Variants in VAPB observed in about 807,000 individuals in gnomAD.
VAPB encodes the protein vesicle-associated membrane protein-associated protein B/C.
VAPB carries 7 observed loss-of-function variants against 25.6 expected under a neutral mutation model. The ratio of observed to expected loss-of-function variants is 0.27; its 90% CI spans 0.16 to 0.51. VAPB has a LOEUF of 0.51. Among genes scored for constraint, VAPB ranks in the 20% least tolerant of loss-of-function variants. The probability of loss-of-function intolerance (pLI) is 0.97; values close to 1 mark genes in which losing one functional copy is unlikely to be tolerated. For missense variants in VAPB, 266 were observed against 301.3 expected (o/e 0.88, Z 0.87); for synonymous variants, 112 against 109.2 (o/e 1.03, Z -0.16).
chr20:58,403,212 C>T (rs2268923), intron 1 of VAPB, among the ~76,000 whole-genome samples: 42,428 of 152,050 alleles, frequency 0.28, 6,183 homozygotes, highest in African/African-American at 0.34. Flanking sequence ...TACTTCTCCT[C>T]CTCTTCTATT....
At chr20:58,437,662 C>T (rs991340618) in intron 3 of VAPB, among the ~76,000 whole-genome samples, 14 of 152,160 alleles carry the variant, frequency 9.2e-5, no homozygotes, top group Admixed American at 9.2e-4. Context: ...GGTAGGCACA[C>T]GTGTACAGGT....
intron 1 of VAPB, among the ~76,000 whole-genome samples, chr20:58,394,296 A>G (rs1168861015): frequency 6.6e-6 from 1 of 152,238 alleles, no homozygotes; most frequent in Non-Finnish European, 1.5e-5. Context: ...CAGCCCTTCA[A>G]GTTGATGTGT....
At chr20:58,403,892 C>G (rs574457073) in intron 1 of VAPB, among the ~76,000 whole-genome samples, 14 of 152,324 alleles carry the variant, frequency 9.2e-5, no homozygotes, top group African/African-American at 3.4e-4. Context: ...GCCCTTGCAC[C>G]AAGTTGGCAA....
intron 1 of VAPB, among the ~76,000 whole-genome samples, chr20:58,396,149 G>T (rs56277076): frequency 0.21 from 31,557 of 152,078 alleles, 3,697 homozygotes; most frequent in African/African-American, 0.3. Flanking sequence ...GCATAGAACT[G>T]TAAAGCTACA....
intron 1 of VAPB, among the ~76,000 whole-genome samples, chr20:58,396,088 A>G (rs373756809): frequency 3.3e-5 from 5 of 151,548 alleles, no homozygotes; most frequent in East Asian, 1.9e-4. Context: ...AAAATGGCAT[A>G]GTCCCGTGAG....
chr20:58,435,092 C>A (rs1159931441), intron 3 of VAPB, among the ~76,000 whole-genome samples: 1 of 152,126 alleles, frequency 6.6e-6, no homozygotes, highest in Non-Finnish European at 1.5e-5. Flanking sequence ...CCCACAAACT[C>A]AAGAGCCATG....
chr20:58,423,784 C>CT (rs773485454), intron 2 of VAPB, among the ~76,000 whole-genome samples: 32 of 152,286 alleles, frequency 2.1e-4, no homozygotes, highest in Non-Finnish European at 3.2e-4. Flanking sequence ...ATAAGCGAAA[C>CT]TTTTTTATAA....
At chr20:58,402,686 G>A (rs939354342) in intron 1 of VAPB, among the ~76,000 whole-genome samples, 8 of 151,900 alleles carry the variant, frequency 5.3e-5, no homozygotes, top group Non-Finnish European at 1.0e-4. Flanking sequence ...AGGCATAGGC[G>A]AGGAAGGGTT....
In VAPB at chr20:58,446,347, G is replaced by C. The variant is rs773885461; in HGVS notation, c.*2112G>C. ...GCCAGTTAAGTCCTGTAGCTTCCAG[G>C]CCCTCATGTCTTTGATAGGAGAGTG... On this transcript the variant is annotated 3_prime_UTR_variant, in exon 6 of 6. Coordinates refer to ENST00000475243, the MANE Select transcript of VAPB (RefSeq NM_004738.5). The C allele has an allele frequency of 1.3e-5, 6 of 454,096 alleles. No homozygotes were observed. Among genetic ancestry groups the C allele is most frequent in the Non-Finnish European group, 2.6e-5 (6 of 226,794 alleles). 28.1% of individuals were successfully genotyped at this position (454,096 alleles called of 1,614,324 possible).
chr20:58,399,524 C>G (rs1396493726), intron 1 of VAPB, among the ~76,000 whole-genome samples: 1 of 151,840 alleles, frequency 6.6e-6, no homozygotes, highest in Non-Finnish European at 1.5e-5. Context: ...TGACACCAGC[C>G]TGGTCAACAT....
Position 58,447,088 on chromosome 20 carries a change from G to A in VAPB, c.*2853G>A, listed in dbSNP as rs1989311197. 2 of 454,090 alleles carry A rather than the reference G, an allele frequency of 4.4e-6. No individual in the cohort carries two copies. The highest frequency in any genetic ancestry group is 3.1e-5 in the South Asian group (2 of 64,476). 28.1% of individuals were successfully genotyped at this position (454,090 alleles called of 1,614,324 possible). ...CTGCTGCCAGGCTGCCCTCCAGTCT[G>A]CTCCTGTGGTTACTGGCTCCACAGC... On this transcript the variant is annotated 3_prime_UTR_variant, in exon 6 of 6. Transcript: ENST00000475243.
Position 58,449,196 on chromosome 20 carries a change from C to T in VAPB, c.*4961C>T, listed in dbSNP as rs1377504120. 4.4e-6 allele frequency: 2 copies of T among 454,042 alleles called. No homozygotes were observed. Among genetic ancestry groups the T allele is most frequent in the African/African-American group, 4.0e-5 (2 of 50,022 alleles). 28.1% of individuals were successfully genotyped at this position (454,042 alleles called of 1,614,324 possible). On this transcript the variant is annotated 3_prime_UTR_variant, in exon 6 of 6. Coordinates refer to ENST00000475243, the MANE Select transcript of VAPB (RefSeq NM_004738.5). Reference sequence around the variant, plus strand: ...TCCAGCCTCTGAATCCCATTAGCCACAGCCTAGAACATTAGCTGAGCTGCA... The same window carrying T: ...TCCAGCCTCTGAATCCCATTAGCCATAGCCTAGAACATTAGCTGAGCTGCA...
At chr20:58,398,674 G>A (rs1210992344) in intron 1 of VAPB, among the ~76,000 whole-genome samples, 2 of 152,222 alleles carry the variant, frequency 1.3e-5, no homozygotes, top group Non-Finnish European at 2.9e-5. Context: ...TTTGAGATAT[G>A]TGACTTGGCG....
At chr20:58,408,584 T>C (rs1189622884) in intron 1 of VAPB, among the ~76,000 whole-genome samples, 1 of 152,068 alleles carries the variant, frequency 6.6e-6, no homozygotes, top group Non-Finnish European at 1.5e-5. Context: ...TCTTCGAATA[T>C]CTGTTAGTAT....
chr20:58,411,231 TCAA>T (rs1214770531), intron 1 of VAPB, among the ~76,000 whole-genome samples: 2 of 152,242 alleles, frequency 1.3e-5, no homozygotes. Context: ...ATTCTAAAAC[TCAA>T]CAATAAGAAA....
At chr20:58,413,613 C>G (rs112197555) in intron 1 of VAPB, among the ~76,000 whole-genome samples, 397 of 151,996 alleles carry the variant, frequency 2.6e-3, no homozygotes, top group African/African-American at 9.0e-3. Context: ...CTTTCTATTC[C>G]ACAAAGCCGC....
rs769244421 is a variant in VAPB at position 58,445,810 on chromosome 20, C to T, written c.*1575C>T. On this transcript the variant is annotated 3_prime_UTR_variant, in exon 6 of 6. Transcript: ENST00000475243. ...CCTGGTCACCCTTGGCCTTCCATTG[C>T]TTTGGCCTTCAGTAAAAAGCAGCCT... is the stretch of plus-strand genomic sequence containing the variant. The T allele has an allele frequency of 2.0e-5, 9 of 453,648 alleles. 1 individual carries two copies. Among genetic ancestry groups the T allele is most frequent in the South Asian group, 1.4e-4 (9 of 64,460 alleles). The allele number at this position is 453,648 out of a possible 1,614,324, so 28.1% of individuals were successfully genotyped here.
chr20:58,434,039 G>A (rs1236691069), intron 2 of VAPB, among the ~76,000 whole-genome samples: 2 of 152,074 alleles, frequency 1.3e-5, no homozygotes, highest in Non-Finnish European at 2.9e-5. Context: ...GGAAAAAAAA[G>A]GGGGAGTATA....
intron 2 of VAPB, among the ~76,000 whole-genome samples, chr20:58,434,087 T>C (rs1016335961): frequency 2.0e-5 from 3 of 152,168 alleles, no homozygotes; most frequent in Non-Finnish European, 4.4e-5. Flanking sequence ...AGTGTCCTGA[T>C]TGTAAAAATT....
Sources: gnomAD v4.1 joint callset for allele counts (sites outside exome capture counted in the v4.1 genomes callset) on GRCh38, gnomAD v4.1.1 for gene constraint, MANE v1.5 for transcripts, NCBI Gene and HGNC (gene_info 2026-07-23, HGNC 2026-07-21) for gene names.